The following PDPR variants were observed in gnomAD, a reference collection of about 807,000 sequenced individuals.
PDPR encodes the protein pyruvate dehydrogenase phosphatase regulatory subunit, mitochondrial.
PDPR carries 50 observed loss-of-function variants against 102.2 expected under a neutral mutation model. The observed-to-expected ratio is 0.49, with a 90% confidence interval of 0.39 to 0.62. The LOEUF (loss-of-function observed/expected upper bound fraction) is 0.62, where lower values mean the gene tolerates loss of function less well. PDPR is among the 20% of genes least tolerant of loss of function. The pLI is 0.00. For missense variants in PDPR, 625 were observed against 1,098.2 expected (o/e 0.57, Z 6.09); for synonymous variants, 259 against 406.0 (o/e 0.64, Z 4.35).
In PDPR at chr16:70,143,661, G is replaced by A; in HGVS notation, c.1754+3G>A. On this transcript the variant is annotated splice_donor_region_variant and intron_variant, in intron 14 of 18. Coordinates refer to ENST00000288050, the MANE Select transcript of PDPR (RefSeq NM_017990.5). Reference sequence around the variant, plus strand: ...ATAGCACGACTGAACAAGCGCAGGTGAGATGAGCTGCCGTCCCGCTCTGCT... The same window carrying A: ...ATAGCACGACTGAACAAGCGCAGGTAAGATGAGCTGCCGTCCCGCTCTGCT... The A allele has an allele frequency of 6.2e-7, 1 of 1,613,160 alleles. No individual in the cohort carries two copies. Among genetic ancestry groups the A allele is most frequent in the Non-Finnish European group, 8.5e-7 (1 of 1,179,310 alleles).
intron 9 of PDPR, among the ~76,000 whole-genome samples, chr16:70,132,893 G>A (rs1282442004): frequency 6.6e-6 from 1 of 152,188 alleles, no homozygotes; most frequent in African/African-American, 2.4e-5. Context: ...GCTCACTGTA[G>A]CCTCAAATTC....
chr16:70,154,668 G>A (rs1966913419), intron 18 of PDPR, among the ~76,000 whole-genome samples: 1 of 152,146 alleles, frequency 6.6e-6, no homozygotes, highest in African/African-American at 2.4e-5. Context: ...TTTGAGGTGG[G>A]GTCTCATTCT....
intron 18 of PDPR, among the ~76,000 whole-genome samples, 195 bp downstream of exon 18, chr16:70,153,768 A>C (rs1966859166): frequency 6.6e-6 from 1 of 152,286 alleles, no homozygotes; most frequent in African/African-American, 2.4e-5. Context: ...ATGAAAACAT[A>C]ATAATGGTGG....
chr16:70,155,864 G>A (rs1356497515), intron 18 of PDPR, among the ~76,000 whole-genome samples: 1 of 149,824 alleles, frequency 6.7e-6, no homozygotes, highest in Non-Finnish European at 1.5e-5. Flanking sequence ...CTGCAGTGGT[G>A]CAATCTTGGC....
At chr16:70,145,125 T>C (rs1966120815) in intron 15 of PDPR, among the ~76,000 whole-genome samples, 1 of 152,030 alleles carries the variant, frequency 6.6e-6, no homozygotes, top group Non-Finnish European at 1.5e-5. Flanking sequence ...TGGTGGTGCA[T>C]GCCTGTAGTC....
chr16:70,126,016 ATGTGTTGGTAGGTT>A (rs1411809365), intron 3 of PDPR, among the ~76,000 whole-genome samples: 2 of 152,278 alleles, frequency 1.3e-5, no homozygotes, highest in African/African-American at 2.4e-5. Context: ...ATAAGCAATT[ATGTGTTGGTAGGTT>A]TGTGTATATG....
At position 70,158,315 on chromosome 16, in the gene PDPR, C is replaced by T. The variant is rs1477393975; in HGVS notation, c.*1436C>T. ...TAAGTGCAAATAAACTGCTATAAGA[C>T]ATTTTGGTTAGTAAAACTCTAGCCT... is the stretch of plus-strand genomic sequence containing the variant. On this transcript the variant is annotated 3_prime_UTR_variant, in exon 19 of 19. Transcript: ENST00000288050. 1 of 152,494 alleles carries T rather than the reference C, an allele frequency of 6.6e-6. No individual in the cohort carries two copies. The highest frequency in any genetic ancestry group is 2.4e-5 in the African/African-American group (1 of 41,480). The allele number at this position is 152,494 out of a possible 1,614,324, so 9.4% of individuals were successfully genotyped here.
rs998781862 is a variant in PDPR, at chr16:70,153,287, C to T, written c.2053-104C>T. On this transcript the variant is annotated intron_variant, in intron 17 of 18. Transcript: ENST00000288050. ...ACATCCTGGGAGTTTTATACGCCTC[C>T]TCTCTTGTCCATGTTAATAGTGTGA... 1.0e-5 allele frequency: 13 copies of T among 1,255,482 alleles called. No homozygotes were observed. In the African/African-American group the frequency reaches 1.5e-4, roughly 15 times the overall value. The allele number at this position is 1,255,482 out of a possible 1,614,324, so 77.8% of individuals were successfully genotyped here. A position where few individuals can be genotyped will look rare whatever the true frequency, so the allele number is the denominator to read the frequency against.
chr16:70,162,781 A>G (rs1316440107), downstream of PDPR, among the ~76,000 whole-genome samples: 2 of 152,274 alleles, frequency 1.3e-5, no homozygotes, highest in African/African-American at 4.8e-5. Context: ...AGCTGACCTC[A>G]GGAGGAACCT....
chr16:70,120,434 T>C, intron 2 of PDPR, 27 bp from the exon 3 acceptor site: 1 of 1,205,568 alleles, frequency 8.3e-7, no homozygotes. Context: ...TAGAATGGCA[T>C]GAAATATGTT....
chr16:70,156,393 A>G (rs929762510), intron 18 of PDPR, 82 bp from the exon 19 acceptor site: 260 of 1,519,378 alleles, frequency 1.7e-4, no homozygotes, highest in Non-Finnish European at 2.3e-4. Flanking sequence ...CAGTGACACC[A>G]GGGGACCCTT....
rs1444924845 is a variant in PDPR at position 70,160,544 on chromosome 16, CG to C, written c.*3667del. The C allele has an allele frequency of 7.2e-5, 11 of 152,674 alleles. No homozygotes were observed. Among genetic ancestry groups the C allele is most frequent in the South Asian group, 2.1e-4 (1 of 4,834 alleles). 9.5% of individuals were successfully genotyped at this position (152,674 alleles called of 1,614,324 possible). On this transcript the variant is annotated 3_prime_UTR_variant, in exon 19 of 19. Coordinates refer to ENST00000288050, the MANE Select transcript of PDPR (RefSeq NM_017990.5). The stretch of plus-strand genomic sequence containing the variant: ...ACCACATAGCCCAGTGATTAAACCC[CG>C]GTTTCACTCTGGCCCCAGGAGTGGA...
At chr16:70,126,554 G>C (rs1416635364) in intron 3 of PDPR, among the ~76,000 whole-genome samples, 2 of 152,232 alleles carry the variant, frequency 1.3e-5, no homozygotes, top group Non-Finnish European at 2.9e-5. Context: ...TTGTAGAGAC[G>C]GGGTTTCACT....
At position 70,128,534 on chromosome 16, in the gene PDPR, C is replaced by T. The variant is rs1225775346; in HGVS notation, c.362-250C>T. Among the ~76,000 whole-genome samples, 6 of 152,380 alleles carry T rather than the reference C, an allele frequency of 3.9e-5. No homozygotes were observed. In the East Asian group the frequency reaches 1.2e-3, roughly 29 times the overall value. On this transcript the variant is annotated intron_variant, in intron 4 of 18. Coordinates refer to ENST00000288050, the MANE Select transcript of PDPR (RefSeq NM_017990.5). ...TGAGCCACTACACCTGGCCTAGAAT[C>T]TCATTTGATCCTCACAACCTCACAA...
chr16:70,155,958 T>G (rs1328053436), intron 18 of PDPR, among the ~76,000 whole-genome samples: 10 of 152,186 alleles, frequency 6.6e-5, no homozygotes, highest in Admixed American at 6.6e-4. Context: ...ACCAGAATCT[T>G]GGCTCACTGC....
At chr16:70,152,736 A>G (rs1382064847) in intron 17 of PDPR, among the ~76,000 whole-genome samples, 1 of 152,414 alleles carries the variant, frequency 6.6e-6, no homozygotes, top group East Asian at 1.9e-4. Context: ...TAAACTTAAC[A>G]GCGTATGTTC....
chr16:70,152,513 G>T (rs1039534210), intron 17 of PDPR, among the ~76,000 whole-genome samples: 2 of 152,266 alleles, frequency 1.3e-5, no homozygotes, highest in Non-Finnish European at 2.9e-5. Context: ...GCAAAACTCT[G>T]TCTCAAAAAT....
intron 17 of PDPR, among the ~76,000 whole-genome samples, chr16:70,149,100 G>A (rs568038101): frequency 3.6e-4 from 55 of 151,306 alleles, no homozygotes; most frequent in Non-Finnish European, 5.3e-4. Context: ...TTGCCATGTC[G>A]CTCAAGCTGG....
At chr16:70,127,057 A>T (rs1333131236) in intron 3 of PDPR, among the ~76,000 whole-genome samples, 1 of 152,240 alleles carries the variant, frequency 6.6e-6, no homozygotes, top group Non-Finnish European at 1.5e-5. Context: ...TGTGTTGACC[A>T]GGCTGGTCGT....
Sources: gnomAD v4.1 joint callset for allele counts (sites outside exome capture counted in the v4.1 genomes callset) on GRCh38, gnomAD v4.1.1 for gene constraint, MANE v1.5 for transcripts, NCBI Gene and HGNC (gene_info 2026-07-23, HGNC 2026-07-21) for gene names.